Variants in MDM1 observed in about 807,000 individuals in gnomAD.
MDM1 encodes the protein stabilizer of axonemal microtubules 6, also known as Mdm1 nuclear protein.
MDM1 carries 61 observed loss-of-function variants against 89.1 expected under a neutral mutation model. The observed-to-expected ratio is 0.68, with a 90% confidence interval of 0.56 to 0.85. The LOEUF is 0.85. Ranked by LOEUF, MDM1 falls within the 40% of genes least tolerant of loss-of-function variation. The pLI is 0.00. For synonymous variants in MDM1, 290 were observed against 294.1 expected, an observed-to-expected ratio of 0.99 and a Z score of 0.14; for missense variants, 820 against 846.5, an observed-to-expected ratio of 0.97 and a Z score of 0.39.
chr12:68,294,702 A>C lies in MDM1; in HGVS notation c.*552T>G, dbSNP rs1409398417. The stretch of plus-strand genomic sequence containing the variant: ...AAATAGAATACACTCAAAGATCAAA[A>C]ATATACATATCTTTCAGCAAACTTT... On this transcript the variant is annotated 3_prime_UTR_variant, in exon 15 of 15. Transcript: ENST00000682720. 6.6e-6 allele frequency: 1 copy of C among 152,248 alleles called. No homozygotes were observed. Among genetic ancestry groups the C allele is most frequent in the Non-Finnish European group, 1.5e-5 (1 of 68,042 alleles). The allele number at this position is 152,248 out of a possible 1,614,324, so 9.4% of individuals were successfully genotyped here. A position where few individuals can be genotyped will look rare whatever the true frequency, so the allele number is the denominator to read the frequency against.
chr12:68,302,996 G>T, intron 12 of MDM1, 124 bp from the exon 13 acceptor site: 1 of 763,146 alleles, frequency 1.3e-6, no homozygotes, highest in Non-Finnish European at 2.0e-6. Context: ...GAGAATTTAT[G>T]CAACATCTAT....
intron 4 of MDM1, among the ~76,000 whole-genome samples, chr12:68,323,739 A>G (rs1038226856): frequency 3.9e-5 from 6 of 152,094 alleles, no homozygotes; most frequent in African/African-American, 1.4e-4. Flanking sequence ...TATACTTACT[A>G]CTTCACAATA....
chr12:68,307,820 C>A (rs568194352), intron 12 of MDM1, among the ~76,000 whole-genome samples: 16 of 151,814 alleles, frequency 1.1e-4, no homozygotes, highest in South Asian at 1.0e-3. Flanking sequence ...TGGCTATAGT[C>A]TCAGCTATTT....
chr12:68,332,108 C>A, intron 1 of MDM1, 120 bp downstream of exon 1: 1 of 1,403,524 alleles, frequency 7.1e-7, no homozygotes. Context: ...GGCCCTGGGG[C>A]TGGCAGCTTC....
chr12:68,296,685 G>C (rs991256124), intron 14 of MDM1, among the ~76,000 whole-genome samples: 1 of 152,186 alleles, frequency 6.6e-6, no homozygotes, highest in Non-Finnish European at 1.5e-5. Context: ...GACCTCAGCT[G>C]TGATGTCAGG....
At chr12:68,308,114 C>T (rs1042696688) in intron 12 of MDM1, among the ~76,000 whole-genome samples, 13 of 151,176 alleles carry the variant, frequency 8.6e-5, no homozygotes, top group African/African-American at 2.7e-4. Flanking sequence ...AACACTTGCA[C>T]TTGCTGTTCC....
At chr12:68,317,295 T>TTTA (rs1874626100) in intron 7 of MDM1, among the ~76,000 whole-genome samples, 1 of 152,114 alleles carries the variant, frequency 6.6e-6, no homozygotes, top group Non-Finnish European at 1.5e-5. Flanking sequence ...AAAATTAAGT[T>TTTA]CAAGTTTTAC....
Position 68,313,541 on chromosome 12 carries a change from A to G in MDM1, c.1651T>C (p.Leu551=), listed in dbSNP as rs754862003. 2 of 1,613,490 alleles carry G rather than the reference A, an allele frequency of 1.2e-6. No homozygotes were observed. Among genetic ancestry groups the G allele is most frequent in the Non-Finnish European group, 1.7e-6 (2 of 1,179,574 alleles). ...GGCTTCATCTTAGATGGAGACACTAAAACAGCACCACCTGGAAAAATAAAG... is the reference window on the plus strand; with the variant it reads ...GGCTTCATCTTAGATGGAGACACTAGAACAGCACCACCTGGAAAAATAAAG... ...LTTPAVGGAV[L]VSPSKMKPPA... The change falls in exon 12 of 15, where the codon TTA becomes CTA. Residue 551 remains leucine, a synonymous_variant. Coordinates refer to ENST00000682720, the MANE Select transcript of MDM1 (RefSeq NM_001354969.2).
chr12:68,310,022 G>A (rs1446888932), intron 12 of MDM1, among the ~76,000 whole-genome samples: 2 of 152,258 alleles, frequency 1.3e-5, no homozygotes, highest in African/African-American at 4.8e-5. Flanking sequence ...CCAGGCTGGA[G>A]TGCAGTGGCG....
chr12:68,297,056 T>C, intron 13 of MDM1, 74 bp from the exon 14 acceptor site: 1 of 1,051,024 alleles, frequency 9.5e-7, no homozygotes, highest in Non-Finnish European at 1.3e-6. Context: ...TATACTAAAC[T>C]GTTAGTAAAA....
intron 2 of MDM1, chr12:68,327,457 G>A: frequency 1.3e-6 from 2 of 1,535,924 alleles, no homozygotes; most frequent in Non-Finnish European, 1.7e-6. Flanking sequence ...ACCAAGATGA[G>A]AAGGGATGAG....
chr12:68,327,225 A>G (rs1325094244), intron 2 of MDM1: 1 of 1,406,312 alleles, frequency 7.1e-7, no homozygotes, highest in Non-Finnish European at 9.2e-7. Context: ...TTTTAAAAGC[A>G]TTAAAAATTT....
chr12:68,316,973 G>A (rs1270657000), intron 7 of MDM1, among the ~76,000 whole-genome samples: 1 of 152,010 alleles, frequency 6.6e-6, no homozygotes, highest in Non-Finnish European at 1.5e-5. Flanking sequence ...GGAGATGAAT[G>A]AGGTTATGAG....
At position 68,295,092 on chromosome 12, in the gene MDM1, ATAAGCCTATGT is replaced by A; in HGVS notation, c.*151_*161del. ...AGAATTCTTTAAAAGTTAAATTTGT[ATAAGCCTATGT>A]TAACAATTTCCAAGTAAACTGTTCT... On this transcript the variant is annotated 3_prime_UTR_variant, in exon 15 of 15. Coordinates refer to ENST00000682720, the MANE Select transcript of MDM1 (RefSeq NM_001354969.2). The A allele has an allele frequency of 2.1e-6, 1 of 476,454 alleles. No individual in the cohort carries two copies. The highest frequency in any genetic ancestry group is 3.8e-5 in the Admixed American group (1 of 26,566). The allele number at this position is 476,454 out of a possible 1,614,324, so 29.5% of individuals were successfully genotyped here. A position where few individuals can be genotyped will look rare whatever the true frequency, so the allele number is the denominator to read the frequency against.
Position 68,296,904 on chromosome 12 carries a change from T to C in MDM1, c.2062+19A>G. The C allele has an allele frequency of 6.4e-7, 1 of 1,560,070 alleles. No homozygotes were observed. The highest frequency in any genetic ancestry group is 8.7e-7 in the Non-Finnish European group (1 of 1,152,234). On this transcript the variant is annotated intron_variant, in intron 14 of 14. Coordinates refer to ENST00000682720, the MANE Select transcript of MDM1 (RefSeq NM_001354969.2). Reference sequence around the variant, plus strand: ...TAGACTAGAACTCAAACTTTTATGTTATGTGACTACTGAAATACCTTCATC... The same window carrying C: ...TAGACTAGAACTCAAACTTTTATGTCATGTGACTACTGAAATACCTTCATC...
chr12:68,309,879 G>A (rs1873449902), intron 12 of MDM1, among the ~76,000 whole-genome samples: 1 of 152,190 alleles, frequency 6.6e-6, no homozygotes, highest in Admixed American at 6.5e-5. Flanking sequence ...CTAGCTCCTG[G>A]TATAGTCCCT....
At position 68,332,275 on chromosome 12, in the gene MDM1, C is replaced by G. The variant is rs201275280; in HGVS notation, c.-30G>C. ...CCCGGCGCCGGAGCCCCCGCTACTC[C>G]GACAGTTAACTGGAGAAAAAGCTCC... On this transcript the variant is annotated 5_prime_UTR_variant, in exon 1 of 15. Transcript: ENST00000682720. 4 of 1,579,584 alleles carry G rather than the reference C, an allele frequency of 2.5e-6. No homozygotes were observed. The East Asian group carries it at 7.0e-5, about 28-fold the overall frequency.
intron 2 of MDM1, chr12:68,327,446 G>C: frequency 6.5e-7 from 1 of 1,535,900 alleles, no homozygotes; most frequent in Non-Finnish European, 8.7e-7. Context: ...ATGTGGAGCA[G>C]ACCAAGATGA....
chr12:68,323,133 T>G lies in MDM1; in HGVS notation c.741A>C (p.Pro247=). The G allele has an allele frequency of 6.2e-7, 1 of 1,610,860 alleles. No individual in the cohort carries two copies. Among genetic ancestry groups the G allele is most frequent in the African/African-American group, 1.3e-5 (1 of 74,840 alleles). Residue 247 remains proline (P), a synonymous_variant, in exon 5 of 15, where the codon CCA becomes CCC. Transcript: ENST00000682720. ...NFKGLSPVKE[P]KLRNDLRENR... ...TTTCTCTCAAATCATTTCTTAATTT[T>G]GGTTCTTTCACTGGAGATAAACCCT...
Sources: allele counts gnomAD v4.1 joint callset (sites outside exome capture counted in the v4.1 genomes callset), GRCh38; gene constraint gnomAD v4.1.1; transcripts MANE v1.5; gene names NCBI Gene and HGNC (gene_info 2026-07-23, HGNC 2026-07-21).